The following DOCK1 variants were observed in gnomAD, a reference collection of about 807,000 sequenced individuals.
DOCK1 encodes the protein dedicator of cytokinesis 1, also known as dedicator of cytokinesis protein 1.
In DOCK1, 138 loss-of-function variants were observed where a neutral mutation model predicts 262.7. That is an observed-to-expected ratio of 0.53 (90% CI 0.46 to 0.61). The LOEUF (loss-of-function observed/expected upper bound fraction) is 0.61, where lower values mean the gene tolerates loss of function less well. Ranked by LOEUF, DOCK1 falls within the 20% of genes least tolerant of loss-of-function variation. DOCK1 has a pLI of 0.00. For missense variants in DOCK1, 1,908 were observed against 2,370.7 expected (o/e 0.80, Z 4.05); for synonymous variants, 866 against 867.4 (o/e 1.00, Z 0.03).
intron 49 of DOCK1, among the ~76,000 whole-genome samples, chr10:127,440,037 C>CA (rs980246647): frequency 1.3e-5 from 2 of 151,980 alleles, no homozygotes; most frequent in South Asian, 2.1e-4. Flanking sequence ...CATGGTTCTG[C>CA]AGGCTGTACG....
intron 23 of DOCK1, among the ~76,000 whole-genome samples, chr10:127,102,865 A>C (rs542324885): frequency 4.7e-4 from 72 of 152,292 alleles, no homozygotes; most frequent in African/African-American, 1.6e-3. Context: ...ATTTACATAC[A>C]GTAAAATTTA....
At chr10:127,163,444 G>A (rs1046023504) in intron 27 of DOCK1, among the ~76,000 whole-genome samples, 6 of 152,068 alleles carry the variant, frequency 3.9e-5, no homozygotes, top group African/African-American at 9.7e-5. Context: ...GTCTGTTCCC[G>A]GGCGGGCAAA....
intron 29 of DOCK1, among the ~76,000 whole-genome samples, chr10:127,328,119 C>CAAAAAAAAAAAAAAAAAAAA (rs11301683): frequency 1.4e-5 from 1 of 72,536 alleles, no homozygotes; most frequent in African/African-American, 4.5e-5. Flanking sequence ...TACAAATGGG[C>CAAAAAAAAAAAAAAAAAAAA]AAAAAAAAAA....
intron 27 of DOCK1, among the ~76,000 whole-genome samples, chr10:127,138,315 AC>A (rs2050887431): frequency 6.6e-6 from 1 of 152,208 alleles, no homozygotes; most frequent in South Asian, 2.1e-4. Flanking sequence ...AATATGAATA[AC>A]CCCATTGTTT....
At chr10:127,274,196 C>T (rs1011710415) in intron 29 of DOCK1, among the ~76,000 whole-genome samples, 2 of 151,976 alleles carry the variant, frequency 1.3e-5, no homozygotes, top group East Asian at 1.9e-4. Context: ...TCCTGGCTAC[C>T]GTTGATATTC....
At chr10:127,328,029 G>C (rs537852731) in intron 29 of DOCK1, among the ~76,000 whole-genome samples, 9 of 149,786 alleles carry the variant, frequency 6.0e-5, no homozygotes, top group Admixed American at 4.0e-4. Flanking sequence ...TGCGTAGTGA[G>C]TAGAAGTTGC....
Position 127,102,224 on chromosome 10 carries a change from C to T in DOCK1, c.2446-4007C>T, listed in dbSNP as rs562849159. On this transcript the variant is annotated intron_variant, in intron 23 of 51. Coordinates refer to ENST00000623213, the MANE Select transcript of DOCK1 (RefSeq NM_001290223.2). The stretch of plus-strand genomic sequence containing the variant: ...GGGGCTGCACAGACCAACCCCAAAT[C>T]CCAGCAGTGCTGACCTGGGCCAAAG... Among the ~76,000 whole-genome samples, 4 of 152,262 alleles carry T rather than the reference C, an allele frequency of 2.6e-5. No homozygotes were observed. In the South Asian group the frequency reaches 6.2e-4, roughly 24 times the overall value.
chr10:127,122,974 G>A (rs1192780400), intron 25 of DOCK1, among the ~76,000 whole-genome samples: 1 of 152,206 alleles, frequency 6.6e-6, no homozygotes, highest in Admixed American at 6.5e-5. Flanking sequence ...GGTGCGGTGA[G>A]GGATGAATTT....
intron 49 of DOCK1, among the ~76,000 whole-genome samples, chr10:127,440,876 A>AG (rs766179540): frequency 4.6e-5 from 7 of 152,250 alleles, no homozygotes; most frequent in Non-Finnish European, 5.9e-5. Context: ...CAGCAGATTG[A>AG]GGGGTTCCTG....
chr10:127,448,257 C>T (rs1183337113), intron 51 of DOCK1, among the ~76,000 whole-genome samples: 1 of 152,212 alleles, frequency 6.6e-6, no homozygotes, highest in Non-Finnish European at 1.5e-5. Context: ...GAAGCTGGTA[C>T]CCCCCAGCAG....
chr10:127,383,320 G>T (rs1439817195), intron 37 of DOCK1, among the ~76,000 whole-genome samples: 2 of 152,156 alleles, frequency 1.3e-5, no homozygotes, highest in Non-Finnish European at 2.9e-5. Context: ...ATTTAAAAAT[G>T]CAAGGAAGTC....
chr10:127,049,487 C>T (rs561666219), intron 21 of DOCK1, among the ~76,000 whole-genome samples: 13 of 151,892 alleles, frequency 8.6e-5, no homozygotes, highest in South Asian at 2.1e-4. Context: ...CGCTACTGCA[C>T]GCCAGCCTGA....
intron 4 of DOCK1, among the ~76,000 whole-genome samples, chr10:126,985,018 T>G (rs1027908648): frequency 2.4e-4 from 35 of 146,122 alleles, no homozygotes; most frequent in African/African-American, 8.8e-4. Context: ...TCTTGCTCTG[T>G]CGCCCAGGCT....
intron 2 of DOCK1, 112 bp from the exon 3 acceptor site, chr10:126,977,836 C>A: frequency 1.9e-6 from 2 of 1,042,886 alleles, no homozygotes; most frequent in Admixed American, 1.9e-5. Context: ...ATGCTGGTGA[C>A]AAACTGACCT....
In DOCK1 at chr10:126,912,615, A is replaced by G. The variant is rs1420537371; in HGVS notation, c.46+7052A>G. ...GTGGCGGGCGCCTGTGGTCCCAGCT[A>G]CTCGGGAGGCTGAGGCAGGAGAATG... On this transcript the variant is annotated intron_variant, in intron 1 of 51. Coordinates refer to ENST00000623213, the MANE Select transcript of DOCK1 (RefSeq NM_001290223.2). Among the ~76,000 whole-genome samples the G allele has an allele frequency of 1.3e-5, 2 of 150,742 alleles. 1 individual carries two copies. The highest frequency in any genetic ancestry group is 3.9e-4 in the East Asian group (2 of 5,114).
intron 25 of DOCK1, among the ~76,000 whole-genome samples, chr10:127,114,196 C>T (rs1245287957): frequency 1.3e-5 from 2 of 152,156 alleles, no homozygotes; most frequent in African/African-American, 4.8e-5. Context: ...AGATTTTGCT[C>T]TTCTGCTGGT....
chr10:127,140,518 C>T (rs911025994), intron 27 of DOCK1, among the ~76,000 whole-genome samples: 1 of 152,180 alleles, frequency 6.6e-6, no homozygotes. Flanking sequence ...GCCCGTGCAC[C>T]AGCCAGGCAA....
intron 29 of DOCK1, among the ~76,000 whole-genome samples, chr10:127,314,490 C>G (rs2062188824): frequency 6.6e-6 from 1 of 152,208 alleles, no homozygotes; most frequent in African/African-American, 2.4e-5. Context: ...AAATGGGCTT[C>G]ATTCACTGTG....
chr10:127,403,289 G>T, intron 39 of DOCK1, 145 bp downstream of exon 39: 2 of 765,920 alleles, frequency 2.6e-6, no homozygotes, highest in South Asian at 2.1e-5. Context: ...TAGGAAGATG[G>T]TTTTAGTTAA....
Sources: allele counts gnomAD v4.1 joint callset (sites outside exome capture counted in the v4.1 genomes callset), GRCh38; gene constraint gnomAD v4.1.1; transcripts MANE v1.5; gene names NCBI Gene and HGNC (gene_info 2026-07-23, HGNC 2026-07-21).